ANXA10: variants seen among roughly 807,000 people sequenced by gnomAD.
ANXA10 encodes the protein annexin 14.
ANXA10 carries 49 observed loss-of-function variants against 53.5 expected under a neutral mutation model. The observed-to-expected ratio is 0.92, with a 90% confidence interval of 0.73 to 1.16. The LOEUF is 1.16. Ranked by LOEUF, ANXA10 falls within the 50% of genes most tolerant of loss-of-function variation. ANXA10 has a pLI of 0.00. For missense variants in ANXA10, 393 were observed against 394.4 expected (o/e 1.00, Z 0.03); for synonymous variants, 131 against 128.9 (o/e 1.02, Z -0.11).
chr4:168,107,044 A>G (rs553901663), intron 1 of ANXA10, among the ~76,000 whole-genome samples: 4 of 152,284 alleles, frequency 2.6e-5, no homozygotes, highest in Non-Finnish European at 5.9e-5. Context: ...TAGGAATACT[A>G]TCCCCCACAT....
chr4:168,136,158 C>A (rs1252010250), intron 2 of ANXA10, among the ~76,000 whole-genome samples: 1 of 152,130 alleles, frequency 6.6e-6, no homozygotes, highest in African/African-American at 2.4e-5. Context: ...CCCACCAGGC[C>A]CCTCCTCCAA....
intron 11 of ANXA10, among the ~76,000 whole-genome samples, chr4:168,186,239 ATATT>A (rs1322026142): frequency 6.6e-6 from 1 of 152,242 alleles, no homozygotes; most frequent in Non-Finnish European, 1.5e-5. Flanking sequence ...ACATTTTATA[ATATT>A]TATTTACTAC....
intron 1 of ANXA10, among the ~76,000 whole-genome samples, chr4:168,121,917 C>T (rs1466547841): frequency 6.6e-6 from 1 of 152,180 alleles, no homozygotes; most frequent in Non-Finnish European, 1.5e-5. Flanking sequence ...AGTCTCCACT[C>T]ACGGCAACCT....
At chr4:168,136,322 A>C (rs941938425) in intron 2 of ANXA10, among the ~76,000 whole-genome samples, 3 of 152,224 alleles carry the variant, frequency 2.0e-5, no homozygotes, top group Non-Finnish European at 4.4e-5. Context: ...AACTCATTTC[A>C]GCATTAACTC....
chr4:168,159,660 T>C (rs2149476753), intron 3 of ANXA10, among the ~76,000 whole-genome samples: 2 of 152,304 alleles, frequency 1.3e-5, no homozygotes. Flanking sequence ...AATTTTAAAA[T>C]ATAGTGGCAG....
chr4:168,165,473 C>T (rs1560788011), intron 6 of ANXA10, 147 bp downstream of exon 6: 1 of 412,768 alleles, frequency 2.4e-6, no homozygotes, highest in Non-Finnish European at 4.3e-6. Flanking sequence ...TTACTGAAGC[C>T]ATGTTCAAAA....
chr4:168,150,538 A>G (rs575305484), intron 3 of ANXA10, among the ~76,000 whole-genome samples: 18 of 152,350 alleles, frequency 1.2e-4, no homozygotes, highest in African/African-American at 4.1e-4. Flanking sequence ...AAAACTGGAA[A>G]CAGACACTTT....
At chr4:168,144,204 T>C (rs2149472938) in intron 3 of ANXA10, among the ~76,000 whole-genome samples, 1 of 152,298 alleles carries the variant, frequency 6.6e-6, no homozygotes, top group South Asian at 2.1e-4. Flanking sequence ...TTTCTTTCTT[T>C]GAGACAAAGT....
chr4:168,183,007 C>A (rs1274807603), intron 10 of ANXA10, among the ~76,000 whole-genome samples: 2 of 94,996 alleles, frequency 2.1e-5, no homozygotes, highest in Admixed American at 3.1e-4. Flanking sequence ...GACACCGTCT[C>A]GGAAAAAAAA....
chr4:168,181,809 A>G (rs776523159), intron 10 of ANXA10, 68 bp downstream of exon 10: 152 of 1,146,630 alleles, frequency 1.3e-4, no homozygotes, highest in Non-Finnish European at 1.9e-4. Flanking sequence ...GATTAATTTT[A>G]CTTCCATCAT....
intron 10 of ANXA10, among the ~76,000 whole-genome samples, chr4:168,184,047 A>AT (rs1196695808): frequency 1.3e-5 from 2 of 152,224 alleles, no homozygotes; most frequent in African/African-American, 4.8e-5. Context: ...TAGAATTCTA[A>AT]TTTTTTATAA....
At chr4:168,140,330 C>T (rs1408906401) in intron 3 of ANXA10, among the ~76,000 whole-genome samples, 1 of 152,130 alleles carries the variant, frequency 6.6e-6, no homozygotes, top group African/African-American at 2.4e-5. Context: ...TAAATTTACT[C>T]CACCTCTAAA....
chr4:168,101,250 A>T (rs1730634118), intron 1 of ANXA10, among the ~76,000 whole-genome samples: 2 of 151,712 alleles, frequency 1.3e-5, no homozygotes. Flanking sequence ...GCCCTCCTCC[A>T]TGATTGTAAG....
chr4:168,113,283 A>G (rs151333025), intron 1 of ANXA10: 3,904 of 151,838 alleles, frequency 0.026, 67 homozygotes, highest in Middle Eastern at 0.041. Flanking sequence ...GTCTGGTGAG[A>G]GCCCAGTCTC....
intron 3 of ANXA10, among the ~76,000 whole-genome samples, chr4:168,143,334 C>A (rs1157038881): frequency 6.6e-6 from 1 of 152,120 alleles, no homozygotes; most frequent in Non-Finnish European, 1.5e-5. Flanking sequence ...CAAGAATAAT[C>A]AAGAGTTGAC....
At position 168,155,623 on chromosome 4, in the gene ANXA10, AAT is replaced by A. The variant is rs1416684322; in HGVS notation, c.196-6897_196-6896del. On this transcript the variant is annotated intron_variant, in intron 3 of 11. Coordinates refer to ENST00000359299, the MANE Select transcript of ANXA10 (RefSeq NM_007193.5). Reference sequence around the variant, plus strand: ...ATATAATATATAATTATATATTATAAATATATATAATTATATATAATTATACA... The same window carrying A: ...ATATAATATATAATTATATATTATAAATATATAATTATATATAATTATACA... Among the ~76,000 whole-genome samples the A allele has an allele frequency of 3.8e-4, 25 of 66,524 alleles. 1 individual carries two copies. Among genetic ancestry groups the A allele is most frequent in the Middle Eastern group, 0.033 (2 of 60 alleles). The allele number at this position is 66,524 out of a possible 152,430, so 43.6% of individuals were successfully genotyped here. A position where few individuals can be genotyped will look rare whatever the true frequency, so the allele number is the denominator to read the frequency against.
At chr4:168,138,394 T>C (rs1485486743) in intron 2 of ANXA10, among the ~76,000 whole-genome samples, 1 of 150,668 alleles carries the variant, frequency 6.6e-6, no homozygotes, top group Admixed American at 6.6e-5. Flanking sequence ...TGTCTTCTTT[T>C]GGAAAAAAAA....
At chr4:168,117,902 T>TACTCACTCACTC (rs747092943) in intron 1 of ANXA10, among the ~76,000 whole-genome samples, 8 of 149,318 alleles carry the variant, frequency 5.4e-5, no homozygotes, top group East Asian at 4.0e-4. Context: ...ACTCATACAA[T>TACTCACTCACTC]ACTCACTCAC....
chr4:168,123,312 T>A (rs867868125), intron 1 of ANXA10, among the ~76,000 whole-genome samples: 1 of 152,034 alleles, frequency 6.6e-6, no homozygotes, highest in Non-Finnish European at 1.5e-5. Context: ...ATTTAAAAAC[T>A]ATTGCAATAG....
Sources: allele counts gnomAD v4.1 joint callset (sites outside exome capture counted in the v4.1 genomes callset), GRCh38; gene constraint gnomAD v4.1.1; transcripts MANE v1.5; gene names NCBI Gene and HGNC (gene_info 2026-07-23, HGNC 2026-07-21).